Variants in ASAH2B observed in about 807,000 individuals in gnomAD.
ASAH2B encodes the protein putative inactive neutral ceramidase B.
Under a neutral mutation model 2.9 loss-of-function variants are expected in ASAH2B, and 1 was observed. The observed-to-expected ratio is 0.34, with a 90% CI of 0.12 to 1.63. The LOEUF (loss-of-function observed/expected upper bound fraction) is 1.63, where lower values mean the gene tolerates loss of function less well. Among genes scored for constraint, ASAH2B ranks in the 40% most tolerant of loss-of-function variants. The pLI is 0.36. For missense variants in ASAH2B, 9 were observed against 37.7 expected (o/e 0.24, Z 1.99); for synonymous variants, 4 against 13.3 (o/e 0.30, Z 1.52).
chr10:50,744,594 A>C (rs1839880609), intron 2 of ASAH2B: 10 of 151,718 alleles, frequency 6.6e-5, no homozygotes, highest in Admixed American at 6.6e-4. Flanking sequence ...CACTATTAAA[A>C]ATGGTAAACT....
Position 50,757,139 on chromosome 10 carries a change from C to A in ASAH2B, c.*2399C>A, listed in dbSNP as rs1176973448. 1 of 151,090 alleles carries A rather than the reference C, an allele frequency of 6.6e-6. No homozygotes were observed. The highest frequency in any genetic ancestry group is 1.9e-4 in the East Asian group (1 of 5,130). 9.4% of individuals were successfully genotyped at this position (151,090 alleles called of 1,614,324 possible). The stretch of plus-strand genomic sequence containing the variant: ...TTTGATGAGTACTGTGTAAAATTGT[C>A]AATATTCAATGGATTATTTAATAAT... On this transcript the variant is annotated 3_prime_UTR_variant, in exon 6 of 6. Transcript: ENST00000647317.
chr10:50,744,501 T>G (rs1913240), intron 2 of ASAH2B, among the ~76,000 whole-genome samples: 21 of 151,694 alleles, frequency 1.4e-4, no homozygotes, highest in East Asian at 5.8e-4. Flanking sequence ...TTCATTGAAA[T>G]TAATGGCAAA....
At chr10:50,742,562 ATTTTG>A (rs199570537) in intron 1 of ASAH2B, among the ~76,000 whole-genome samples, 57,628 of 150,118 alleles carry the variant, frequency 0.38, 12,077 homozygotes, top group Admixed American at 0.54. Flanking sequence ...AGGACTCTTT[ATTTTG>A]TTTTATTTTT....
Position 50,742,965 on chromosome 10 carries a change from T to G in ASAH2B, c.-49T>G, listed in dbSNP as rs781484406. The G allele has an allele frequency of 6.2e-7, 1 of 1,614,166 alleles. No individual in the cohort carries two copies. Among genetic ancestry groups the G allele is most frequent in the East Asian group, 2.2e-5 (1 of 44,880 alleles). ...CAATTTATGGACCGCACGCATTATC[T>G]GCTTACATTCAGCTCTTCAGAAACC... On this transcript the variant is annotated 5_prime_UTR_variant, in exon 2 of 6. Transcript: ENST00000647317.
intron 2 of ASAH2B, chr10:50,743,557 A>G (rs1839865348): frequency 6.5e-6 from 1 of 153,944 alleles, no homozygotes; most frequent in South Asian, 2.0e-4. Context: ...AAAAGATAAT[A>G]TGAGTTGTTA....
chr10:50,745,886 T>C (rs944154946), intron 3 of ASAH2B, among the ~76,000 whole-genome samples: 9 of 151,314 alleles, frequency 5.9e-5, no homozygotes, highest in African/African-American at 2.2e-4. Flanking sequence ...AAAAATTATA[T>C]ATATTTATTG....
intron 4 of ASAH2B, among the ~76,000 whole-genome samples, chr10:50,751,481 A>G (rs1464835610): frequency 5.3e-5 from 8 of 150,490 alleles, no homozygotes; most frequent in Admixed American, 2.0e-4. Context: ...CAAAAAGCCC[A>G]CCATATCTTC....
rs2132740634 is a variant in ASAH2B, at chr10:50,759,126, C to T, written c.*4386C>T. The T allele has an allele frequency of 7.1e-6, 1 of 140,740 alleles. No individual in the cohort carries two copies. The highest frequency in any genetic ancestry group is 2.4e-4 in the South Asian group (1 of 4,146). The allele number at this position is 140,740 out of a possible 1,614,324, so 8.7% of individuals were successfully genotyped here. On this transcript the variant is annotated 3_prime_UTR_variant, in exon 6 of 6. Transcript: ENST00000647317. Reference sequence around the variant, plus strand: ...GGAAAGAGTTGACAGTGAGGCAGCACCAAACTTTACCTTCATAAATAGCAA... The same window carrying T: ...GGAAAGAGTTGACAGTGAGGCAGCATCAAACTTTACCTTCATAAATAGCAA...
intron 3 of ASAH2B, among the ~76,000 whole-genome samples, chr10:50,745,953 TTAAC>T (rs1423680345): frequency 6.6e-6 from 1 of 151,464 alleles, no homozygotes; most frequent in Non-Finnish European, 1.5e-5. Flanking sequence ...ACTGAGCTAA[TTAAC>T]ATATACATTA....
chr10:50,748,768 A>ACT (rs1388605162), intron 3 of ASAH2B, among the ~76,000 whole-genome samples: 1 of 150,616 alleles, frequency 6.6e-6, no homozygotes, highest in East Asian at 1.9e-4. Flanking sequence ...TGGCCCGTAA[A>ACT]CTGATGACAT....
At chr10:50,746,673 C>A (rs954177996) in intron 3 of ASAH2B, among the ~76,000 whole-genome samples, 3 of 149,256 alleles carry the variant, frequency 2.0e-5, no homozygotes, top group Non-Finnish European at 3.0e-5. Context: ...TGTCTTTTGT[C>A]TTTTTAAATA....
chr10:50,744,262 T>C (rs1564470347), intron 2 of ASAH2B, among the ~76,000 whole-genome samples: 1 of 151,580 alleles, frequency 6.6e-6, no homozygotes, highest in East Asian at 1.9e-4. Flanking sequence ...CTTCAAATTT[T>C]GTAGTGACAA....
rs1011470954 is a variant in ASAH2B at position 50,757,967 on chromosome 10, C to A, written c.*3227C>A. 1 of 151,192 alleles carries A rather than the reference C, an allele frequency of 6.6e-6. No individual in the cohort carries two copies. The highest frequency in any genetic ancestry group is 1.5e-5 in the Non-Finnish European group (1 of 67,656). The allele number at this position is 151,192 out of a possible 1,614,324, so 9.4% of individuals were successfully genotyped here. ...AGGCTTATCCTCTTAGCTAAAAGATCGCTACCTCAAGTCTACATATAATTG... is the reference window on the plus strand; with the variant it reads ...AGGCTTATCCTCTTAGCTAAAAGATAGCTACCTCAAGTCTACATATAATTG... On this transcript the variant is annotated 3_prime_UTR_variant, in exon 6 of 6. Coordinates refer to ENST00000647317, the MANE Select transcript of ASAH2B (RefSeq NM_001321958.2).
At chr10:50,740,420 T>A (rs1839811624) in intron 1 of ASAH2B, among the ~76,000 whole-genome samples, 1 of 152,182 alleles carries the variant, frequency 6.6e-6, no homozygotes, top group African/African-American at 2.4e-5. Flanking sequence ...CTCTCCTAAC[T>A]CCCAGCCGGT....
intron 2 of ASAH2B, chr10:50,743,751 C>T (rs1839868082): frequency 6.6e-6 from 1 of 150,426 alleles, no homozygotes; most frequent in Non-Finnish European, 1.5e-5. Flanking sequence ...GGTTAGTCAA[C>T]AAACAAGATA....
At position 50,756,703 on chromosome 10, in the gene ASAH2B, A is replaced by G. The variant is rs1418682729; in HGVS notation, c.*1963A>G. 1 of 151,938 alleles carries G rather than the reference A, an allele frequency of 6.6e-6. No individual in the cohort carries two copies. Among genetic ancestry groups the G allele is most frequent in the Non-Finnish European group, 1.5e-5 (1 of 67,896 alleles). The allele number at this position is 151,938 out of a possible 1,614,324, so 9.4% of individuals were successfully genotyped here. A position where few individuals can be genotyped will look rare whatever the true frequency, so the allele number is the denominator to read the frequency against. ...GGCTCCAGATAACGCACAGAAACCT[A>G]TTTTCTCACCAGCTGTCATTTCTTC... On this transcript the variant is annotated 3_prime_UTR_variant, in exon 6 of 6. Coordinates refer to ENST00000647317, the MANE Select transcript of ASAH2B (RefSeq NM_001321958.2).
chr10:50,748,799 T>A (rs1188081070), intron 3 of ASAH2B, among the ~76,000 whole-genome samples: 2 of 150,868 alleles, frequency 1.3e-5, no homozygotes, highest in Admixed American at 1.3e-4. Context: ...GATTACAGGG[T>A]TCTTGTTTGT....
intron 5 of ASAH2B, among the ~76,000 whole-genome samples, chr10:50,754,166 C>CTCAT (rs1837032364): frequency 6.9e-6 from 1 of 145,520 alleles, no homozygotes; most frequent in African/African-American, 2.5e-5. Flanking sequence ...TACACACACA[C>CTCAT]ATATATATAT....
rs532606118 is a variant in ASAH2B, at chr10:50,744,258, A to T, written c.-3-870A>T. On this transcript the variant is annotated intron_variant, in intron 2 of 5. Transcript: ENST00000647317. ...CTTCCCAAGAAAATAGATTCTTCAA[A>T]TTTTGTAGTGACAATGAAGAAAAAT... 4.0e-5 allele frequency among the ~76,000 whole-genome samples: 6 copies of T among 151,240 alleles called. No homozygotes were observed. The East Asian group carries it at 1.2e-3, about 29-fold the overall frequency.
Sources: allele counts gnomAD v4.1 joint callset (sites outside exome capture counted in the v4.1 genomes callset), GRCh38; gene constraint gnomAD v4.1.1; transcripts MANE v1.5; gene names NCBI Gene and HGNC (gene_info 2026-07-23, HGNC 2026-07-21).